Variants in DCDC2C observed in about 807,000 individuals in gnomAD.
The protein encoded by DCDC2C is doublecortin domain-containing protein 2C.
Under a neutral mutation model 45.0 loss-of-function variants are expected in DCDC2C, and 44 were observed. The ratio of observed to expected loss-of-function variants is 0.98; its 90% CI spans 0.77 to 1.26. DCDC2C has a LOEUF of 1.26. Among genes scored for constraint, DCDC2C ranks in the 50% most tolerant of loss-of-function variants. The pLI is 0.00. For synonymous variants in DCDC2C, 187 were observed against 178.8 expected (o/e 1.05, Z -0.37); for missense variants, 447 against 468.9 (o/e 0.95, Z 0.43).
chr2:3,835,709 G>A (rs960501812), intron 10 of DCDC2C, among the ~76,000 whole-genome samples: 1 of 152,050 alleles, frequency 6.6e-6, no homozygotes, highest in Non-Finnish European at 1.5e-5. Flanking sequence ...GAGGCCTTGA[G>A]TCTCATTTTT....
intron 8 of DCDC2C, among the ~76,000 whole-genome samples, chr2:3,774,380 C>T (rs73144894): frequency 0.056 from 8,549 of 152,326 alleles, 843 homozygotes; most frequent in African/African-American, 0.19. Context: ...TCGAGCCTTC[C>T]GTGTGGGAGA....
rs1360520862 is a variant in DCDC2C, at chr2:3,703,620, T to C, written c.-132T>C. On this transcript the variant is annotated 5_prime_UTR_variant, in exon 1 of 11. Coordinates refer to ENST00000399143, the MANE Select transcript of DCDC2C (RefSeq NM_001287444.2). The surrounding 1 kb of genome is among the most constrained non-coding windows in gnomAD (Gnocchi z 4.4). The stretch of plus-strand genomic sequence containing the variant: ...CAGCCCCCGTCCCGTCCCCGTCCCG[T>C]CCCCGTCCTGCGCCAGCGGCTGGAG... 8 of 895,886 alleles carry C rather than the reference T, an allele frequency of 8.9e-6. No homozygotes were observed. In the African/African-American group the frequency reaches 1.3e-4, roughly 14 times the overall value. 55.5% of individuals were successfully genotyped at this position (895,886 alleles called of 1,614,324 possible).
At chr2:3,843,168 C>G (rs2148248370) in intron 10 of DCDC2C, among the ~76,000 whole-genome samples, 1 of 152,276 alleles carries the variant, frequency 6.6e-6, no homozygotes, top group African/African-American at 2.4e-5. Flanking sequence ...CGTATTCTCT[C>G]TTTCAGGTGT....
chr2:3,827,016 G>A (rs1671838946), intron 10 of DCDC2C, among the ~76,000 whole-genome samples: 1 of 151,172 alleles, frequency 6.6e-6, no homozygotes. Context: ...GGACCTGAAT[G>A]TTCTTCCTCT....
chr2:3,748,444 G>T (rs1352483741), intron 4 of DCDC2C, among the ~76,000 whole-genome samples: 2 of 152,018 alleles, frequency 1.3e-5, no homozygotes, highest in Non-Finnish European at 2.9e-5. Context: ...CCAGCCTTCT[G>T]ATCAGAGCAG....
At chr2:3,814,898 CA>C (rs1424529351) in intron 10 of DCDC2C, among the ~76,000 whole-genome samples, 2 of 152,272 alleles carry the variant, frequency 1.3e-5, no homozygotes, top group African/African-American at 4.8e-5. Flanking sequence ...CTGGCTCCAT[CA>C]GGGGAAAAGC....
intron 4 of DCDC2C, among the ~76,000 whole-genome samples, chr2:3,747,361 A>G (rs930554583): frequency 3.3e-5 from 5 of 152,244 alleles, no homozygotes; most frequent in Non-Finnish European, 7.3e-5. Context: ...TGGAGAGACC[A>G]TGGTGAACCA....
intron 2 of DCDC2C, among the ~76,000 whole-genome samples, chr2:3,719,308 A>G (rs1479070898): frequency 6.6e-6 from 1 of 152,098 alleles, no homozygotes; most frequent in African/African-American, 2.4e-5. Flanking sequence ...GATGGTCTCA[A>G]TCTTCTGACC....
At chr2:3,748,217 T>C (rs138630732) in intron 4 of DCDC2C, among the ~76,000 whole-genome samples, 15 of 152,198 alleles carry the variant, frequency 9.9e-5, no homozygotes, top group Non-Finnish European at 1.3e-4. Flanking sequence ...CGGGGTGGGA[T>C]AGGAGACTTG....
At chr2:3,843,135 A>AT (rs1672254473) in intron 10 of DCDC2C, among the ~76,000 whole-genome samples, 1 of 152,220 alleles carries the variant, frequency 6.6e-6, no homozygotes, top group African/African-American at 2.4e-5. Flanking sequence ...AGGGAAAGGG[A>AT]TGAGAGTATT....
intron 10 of DCDC2C, among the ~76,000 whole-genome samples, chr2:3,823,819 T>C (rs998501239): frequency 6.6e-5 from 10 of 152,224 alleles, no homozygotes; most frequent in Non-Finnish European, 8.8e-5. Context: ...TCTTTGTTTC[T>C]CTTTATATTA....
chr2:3,844,308 A>AGCCACACCCAGAGCG (rs1342752495), intron 10 of DCDC2C: 1 of 153,378 alleles, frequency 6.5e-6, no homozygotes, highest in Admixed American at 6.5e-5. Flanking sequence ...TGCCTGGGAC[A>AGCCACACCCAGAGCG]GCCACACCCA....
At chr2:3,716,403 G>A (rs1421145916) in intron 2 of DCDC2C, among the ~76,000 whole-genome samples, 3 of 151,996 alleles carry the variant, frequency 2.0e-5, no homozygotes, top group Admixed American at 6.6e-5. Flanking sequence ...ACCAGACAAG[G>A]GAGATGAAGA....
chr2:3,710,021 C>T (rs1386525634), intron 2 of DCDC2C, among the ~76,000 whole-genome samples: 1 of 151,968 alleles, frequency 6.6e-6, no homozygotes, highest in Non-Finnish European at 1.5e-5. Flanking sequence ...CTATAGTTAC[C>T]CAAAAGAGTT....
intron 8 of DCDC2C, among the ~76,000 whole-genome samples, chr2:3,771,092 T>C (rs1670151745): frequency 6.6e-6 from 1 of 152,246 alleles, no homozygotes; most frequent in Non-Finnish European, 1.5e-5. Flanking sequence ...TCAGCCATTG[T>C]CTGTGGATAG....
At chr2:3,744,535 C>T (rs909665027) in intron 4 of DCDC2C, among the ~76,000 whole-genome samples, 3 of 152,146 alleles carry the variant, frequency 2.0e-5, no homozygotes, top group African/African-American at 4.8e-5. Flanking sequence ...AGTGGGAAAA[C>T]GCCGTGCAGC....
chr2:3,822,048 A>G (rs1671700080), intron 10 of DCDC2C, among the ~76,000 whole-genome samples: 1 of 152,200 alleles, frequency 6.6e-6, no homozygotes, highest in South Asian at 2.1e-4. Context: ...TTTGCCTATT[A>G]TCAGTGTTCC....
intron 10 of DCDC2C, among the ~76,000 whole-genome samples, chr2:3,823,401 C>T (rs1376147224): frequency 6.6e-6 from 1 of 152,076 alleles, no homozygotes; most frequent in Non-Finnish European, 1.5e-5. Context: ...TTTGGTTTAT[C>T]CTGAGTAATG....
Position 3,761,337 on chromosome 2 carries a change from G to A in DCDC2C, c.727-6417G>A, listed in dbSNP as rs1186473114. 2.0e-5 allele frequency among the ~76,000 whole-genome samples: 3 copies of A among 152,314 alleles called. No individual in the cohort carries two copies. The East Asian group carries it at 5.8e-4, about 29-fold the overall frequency. The stretch of plus-strand genomic sequence containing the variant: ...AGAGCACAAGTGTTCGTAGTGAACG[G>A]TAATGAAAAGGAGATAAAGCATATA... On this transcript the variant is annotated intron_variant, in intron 6 of 10. Transcript: ENST00000399143. This position sits in a 1 kb window ranked among gnomAD's most constrained non-coding sequence, Gnocchi z 4.3.
Sources: gnomAD v4.1 joint callset for allele counts (sites outside exome capture counted in the v4.1 genomes callset) on GRCh38, gnomAD v4.1.1 for gene constraint, Gnocchi (gnomAD v3.1) non-coding constraint, MANE v1.5 for transcripts, NCBI Gene and HGNC (gene_info 2026-07-23, HGNC 2026-07-21) for gene names.